The following FAM184A variants were observed in gnomAD, a reference collection of about 807,000 sequenced individuals.
FAM184A encodes family with sequence similarity 184 member A.
FAM184A carries 99 observed loss-of-function variants against 143.8 expected under a neutral mutation model. That is an observed-to-expected ratio of 0.69 (90% CI 0.58 to 0.81). The LOEUF (loss-of-function observed/expected upper bound fraction) is 0.81. Ranked by LOEUF, FAM184A falls within the 40% of genes least tolerant of loss-of-function variation. FAM184A has a pLI of 0.00. For missense variants in FAM184A, 1,217 were observed against 1,310.5 expected (o/e 0.93, Z 1.10); for synonymous variants, 427 against 446.4 (o/e 0.96, Z 0.55).
At chr6:118,972,218 G>A (rs766489034) in intron 14 of FAM184A, among the ~76,000 whole-genome samples, 1 of 152,168 alleles carries the variant, frequency 6.6e-6, no homozygotes, top group Non-Finnish European at 1.5e-5. Context: ...GTAGCCATTA[G>A]TCTGCATATG....
intron 9 of FAM184A, among the ~76,000 whole-genome samples, chr6:118,995,215 G>C (rs542322305): frequency 1.3e-5 from 2 of 152,046 alleles, no homozygotes; most frequent in Non-Finnish European, 2.9e-5. Flanking sequence ...CCAGGAGTTC[G>C]AGACCAGCCT....
chr6:119,023,154 G>A, intron 2 of FAM184A, 74 bp from the exon 3 acceptor site: 1 of 1,510,256 alleles, frequency 6.6e-7, no homozygotes, highest in Non-Finnish European at 9.1e-7. Context: ...AAATTATAAG[G>A]GTCAGCTTTC....
intron 7 of FAM184A, 28 bp from the exon 8 acceptor site, chr6:119,003,650 A>C: frequency 6.3e-7 from 1 of 1,575,116 alleles, no homozygotes; most frequent in East Asian, 2.3e-5. Context: ...TTCAATGAAG[A>C]CTAAACTTCA....
intron 9 of FAM184A, among the ~76,000 whole-genome samples, chr6:118,994,415 G>A (rs979807797): frequency 2.0e-5 from 3 of 151,742 alleles, no homozygotes; most frequent in African/African-American, 4.8e-5. Context: ...GGCCGGGTGC[G>A]GTGGCTCACA....
intron 9 of FAM184A, among the ~76,000 whole-genome samples, chr6:118,986,019 C>T (rs1360032304): frequency 6.6e-6 from 1 of 152,124 alleles, no homozygotes; most frequent in Non-Finnish European, 1.5e-5. Flanking sequence ...TTTGGCCTGG[C>T]GCGGTGGCTC....
intron 9 of FAM184A, among the ~76,000 whole-genome samples, chr6:118,997,705 AAAAAAC>A (rs1562466597): frequency 6.6e-6 from 1 of 152,166 alleles, no homozygotes; most frequent in Middle Eastern, 3.2e-3. Flanking sequence ...CAGGGGAAAA[AAAAAAC>A]AAAAACAACA....
intron 1 of FAM184A, among the ~76,000 whole-genome samples, chr6:119,064,003 C>G (rs1787350099): frequency 1.3e-5 from 2 of 152,052 alleles, no homozygotes; most frequent in Non-Finnish European, 2.9e-5. Context: ...TTTCACCCCC[C>G]CATAAACAAT....
chr6:118,997,432 G>A (rs538628966), intron 9 of FAM184A, among the ~76,000 whole-genome samples: 1 of 152,168 alleles, frequency 6.6e-6, no homozygotes, highest in South Asian at 2.1e-4. Context: ...GCTCACACTT[G>A]TAATCCCAGG....
intron 9 of FAM184A, among the ~76,000 whole-genome samples, chr6:118,990,069 G>A (rs993227462): frequency 9.9e-5 from 15 of 152,060 alleles, no homozygotes; most frequent in African/African-American, 2.2e-4. Context: ...CTCGTGATCC[G>A]CTGGCCTCGG....
intron 1 of FAM184A, among the ~76,000 whole-genome samples, chr6:119,049,186 G>A (rs558306855): frequency 5.3e-5 from 8 of 152,310 alleles, no homozygotes; most frequent in South Asian, 4.1e-4. Flanking sequence ...GGTGGCTCAC[G>A]CCTGTAATCC....
intron 1 of FAM184A, among the ~76,000 whole-genome samples, chr6:119,099,071 T>C (rs960395094): frequency 1.3e-5 from 2 of 152,050 alleles, no homozygotes; most frequent in Non-Finnish European, 1.5e-5. Context: ...GATCATGCCA[T>C]TGCACTCCAG....
chr6:119,085,797 G>A (rs59123354), intron 1 of FAM184A, among the ~76,000 whole-genome samples: 2,175 of 152,294 alleles, frequency 0.014, 52 homozygotes, highest in African/African-American at 0.049. Context: ...TTCTAGGGAG[G>A]CCTCAGGAAA....
intron 1 of FAM184A, among the ~76,000 whole-genome samples, chr6:119,028,718 C>A (rs1270115845): frequency 6.6e-6 from 1 of 152,098 alleles, no homozygotes; most frequent in African/African-American, 2.4e-5. Flanking sequence ...TTTCTGAGTT[C>A]TGAGAGCCAT....
At chr6:119,077,663 A>G (rs978582555) in intron 1 of FAM184A, among the ~76,000 whole-genome samples, 1 of 152,208 alleles carries the variant, frequency 6.6e-6, no homozygotes, top group African/African-American at 2.4e-5. Context: ...TTGGCACTCA[A>G]GGTATGTTTT....
chr6:118,962,102 AC>A (rs1783346429), intron 16 of FAM184A, 139 bp from the exon 17 acceptor site: 1 of 745,326 alleles, frequency 1.3e-6, no homozygotes, highest in South Asian at 1.8e-5. Flanking sequence ...AACCAGTGTT[AC>A]CCAAACTGTG....
intron 1 of FAM184A, among the ~76,000 whole-genome samples, chr6:119,139,423 C>T (rs888441288): frequency 1.3e-5 from 2 of 152,140 alleles, no homozygotes; most frequent in South Asian, 2.1e-4. Context: ...ATCTGGAAAT[C>T]TTTAACTGTG....
chr6:118,991,163 ATTT>A (rs527696839), intron 9 of FAM184A, among the ~76,000 whole-genome samples: 1 of 145,320 alleles, frequency 6.9e-6, no homozygotes. Context: ...TTATTTTTTA[ATTT>A]TTTTTTTTTT....
chr6:119,134,413 G>C (rs988239476), intron 1 of FAM184A, among the ~76,000 whole-genome samples: 2 of 151,888 alleles, frequency 1.3e-5, no homozygotes, highest in African/African-American at 4.8e-5. Flanking sequence ...ATTGCGGGGG[G>C]TGCCAAGATG....
At chr6:119,087,150 T>G (rs987454851) in intron 1 of FAM184A, among the ~76,000 whole-genome samples, 2 of 152,158 alleles carry the variant, frequency 1.3e-5, no homozygotes, top group Non-Finnish European at 1.5e-5. Context: ...GCAGTAGCAG[T>G]TAAGGTTAAG....
Sources: allele counts gnomAD v4.1 joint callset (sites outside exome capture counted in the v4.1 genomes callset), GRCh38; gene constraint gnomAD v4.1.1; transcripts MANE v1.5; gene names NCBI Gene and HGNC (gene_info 2026-07-23, HGNC 2026-07-21).